IFNLR1: variants seen among roughly 807,000 people sequenced by gnomAD.
IFNLR1 encodes interferon lambda receptor 1, also known as CRF2-12.
IFNLR1 carries 28 observed loss-of-function variants against 52.5 expected under a neutral mutation model. That is an observed-to-expected ratio of 0.53 (90% CI 0.40 to 0.73). The LOEUF (loss-of-function observed/expected upper bound fraction) is 0.73, where lower values mean the gene tolerates loss of function less well. IFNLR1 is among the 30% of genes least tolerant of loss of function. The pLI, the probability that IFNLR1 is intolerant of heterozygous loss-of-function variation, is 0.00. For missense variants in IFNLR1, 623 were observed against 659.1 expected (o/e 0.95, Z 0.60); for synonymous variants, 276 against 274.9 (o/e 1.00, Z -0.04).
chr1:24,171,282 C>G (rs1644576863), intron 2 of IFNLR1, among the ~76,000 whole-genome samples: 1 of 152,174 alleles, frequency 6.6e-6, no homozygotes, highest in Non-Finnish European at 1.5e-5. Context: ...AAGAACAACA[C>G]AGTTATCAAG....
In IFNLR1 at chr1:24,159,060, G is replaced by A. The variant is rs146955345; in HGVS notation, c.793C>T (p.Arg265Trp). The change falls in exon 6 of 7, where the codon CGG becomes TGG. Residue 265 changes from arginine (R) to tryptophan (W), a missense_variant. By Grantham distance (101) the Arg-to-Trp change is moderately radical (BLOSUM62 -3). Transcript: ENST00000327535. Reference sequence around the variant, plus strand: ...CCCCAGATTTGCTATACCAGGGCCCGTGGCATCTTTGCCCGCTGAAACCAG... The same window carrying A: ...CCCCAGATTTGCTATACCAGGGCCCATGGCATCTTTGCCCGCTGAAACCAG... ...NPWFQRAKMPRALDFSGHTHP... is the reference protein window; with the variant it reads ...NPWFQRAKMPWALDFSGHTHP... 5.6e-6 allele frequency: 9 copies of A among 1,613,896 alleles called. No individual in the cohort carries two copies. The highest frequency in any genetic ancestry group is 2.7e-5 in the African/African-American group (2 of 74,878).
chr1:24,164,017 C>A (rs989991430), intron 3 of IFNLR1, among the ~76,000 whole-genome samples: 1 of 152,166 alleles, frequency 6.6e-6, no homozygotes, highest in Non-Finnish European at 1.5e-5. Flanking sequence ...ATAGTCCAGT[C>A]AGTACAACTC....
Position 24,157,388 on chromosome 1 carries a change from AC to A in IFNLR1, c.1304del (p.Gly435ValfsTer38). 1 of 1,614,070 alleles carries A rather than the reference AC, an allele frequency of 6.2e-7. No individual in the cohort carries two copies. Among genetic ancestry groups the A allele is most frequent in the Non-Finnish European group, 8.5e-7 (1 of 1,180,008 alleles). On this transcript the variant is annotated frameshift_variant, in exon 7 of 7. Coordinates refer to ENST00000327535, the MANE Select transcript of IFNLR1 (RefSeq NM_170743.4). LOFTEE classifies it high-confidence loss of function. This position sits in a 1 kb window ranked among gnomAD's most constrained non-coding sequence, Gnocchi z 5.1. ...LPPPEFSKDS[G>X]FLEELPEDNL... ...TATCTTCTGGGAGCTCTTCCAGGAA[AC>A]CCGAGTCCTTGGAGAATTCAGGTGG...
chr1:24,182,251 G>A (rs1043132817), intron 1 of IFNLR1, among the ~76,000 whole-genome samples: 3 of 148,374 alleles, frequency 2.0e-5, no homozygotes, highest in Non-Finnish European at 4.4e-5. Flanking sequence ...AAGTACCCAC[G>A]CCCAGTTCGC....
intron 2 of IFNLR1, 134 bp from the exon 3 acceptor site, chr1:24,169,735 C>T: frequency 2.3e-6 from 2 of 871,586 alleles, no homozygotes; most frequent in Admixed American, 5.5e-5. Flanking sequence ...CAGGCAGCCA[C>T]TGGCTGAGAC....
At chr1:24,163,077 C>T (rs1300286526) in intron 3 of IFNLR1, among the ~76,000 whole-genome samples, 3 of 149,740 alleles carry the variant, frequency 2.0e-5, no homozygotes, top group South Asian at 2.1e-4. Context: ...CCTCCTGCTT[C>T]GGCCTCCTGA....
Position 24,174,682 on chromosome 1 carries a change from A to G in IFNLR1, c.183-5081T>C, listed in dbSNP as rs565072685. ...ATAATATAAAATAAATAACAAAAAGATAATTTAAAAGACATAAACTTGGAT... is the reference window on the plus strand; with the variant it reads ...ATAATATAAAATAAATAACAAAAAGGTAATTTAAAAGACATAAACTTGGAT... On this transcript the variant is annotated intron_variant, in intron 2 of 6. Coordinates refer to ENST00000327535, the MANE Select transcript of IFNLR1 (RefSeq NM_170743.4). 5.0e-4 allele frequency among the ~76,000 whole-genome samples: 76 copies of G among 152,372 alleles called. 2 individuals carry two copies. In the South Asian group the frequency reaches 0.015, roughly 29 times the overall value.
chr1:24,172,324 A>C (rs951492588), intron 2 of IFNLR1, among the ~76,000 whole-genome samples: 1 of 152,188 alleles, frequency 6.6e-6, no homozygotes, highest in African/African-American at 2.4e-5. Context: ...CAGAAGAAAC[A>C]TGTCACAAAA....
intron 1 of IFNLR1, among the ~76,000 whole-genome samples, chr1:24,182,498 T>C (rs1644700857): frequency 6.6e-6 from 1 of 152,268 alleles, no homozygotes; most frequent in African/African-American, 2.4e-5. Context: ...CATTTTAACT[T>C]GAAAGTATGT....
intron 2 of IFNLR1, among the ~76,000 whole-genome samples, chr1:24,179,847 C>T (rs1271708694): frequency 2.6e-5 from 4 of 152,190 alleles, no homozygotes; most frequent in Non-Finnish European, 4.4e-5. Flanking sequence ...TGAATCCTCC[C>T]GAGCTTCTGC....
intron 3 of IFNLR1, among the ~76,000 whole-genome samples, chr1:24,162,758 TTC>T (rs1317719300): frequency 0.092 from 2,713 of 29,588 alleles, 165 homozygotes; most frequent in Non-Finnish European, 0.1. Context: ...CTTTCTTTCT[TTC>T]TTTCTTTCTT....
At chr1:24,176,818 C>T (rs1354477418) in intron 2 of IFNLR1, among the ~76,000 whole-genome samples, 2 of 152,114 alleles carry the variant, frequency 1.3e-5, no homozygotes, top group African/African-American at 4.8e-5. Context: ...CACCATGTTG[C>T]CCAGGCTGGT....
Position 24,159,592 on chromosome 1 carries a change from G to C in IFNLR1, c.552C>G (p.Ile184Met), listed in dbSNP as rs1644419008. The C allele has an allele frequency of 6.2e-7, 1 of 1,614,154 alleles. No homozygotes were observed. Among genetic ancestry groups the C allele is most frequent in the East Asian group, 2.2e-5 (1 of 44,882 alleles). ...GTTCGCTGGCAGCTGGCTGGAGAGT[G>C]ATCTGGACTGGCTGGCCATGGGGAG... is the stretch of plus-strand genomic sequence containing the variant. ...PVTPHGQPVQITLQPAASEHH... is the reference protein window; with the variant it reads ...PVTPHGQPVQMTLQPAASEHH... The change falls in exon 5 of 7, where the codon ATC (isoleucine) becomes ATG (methionine). Residue 184 changes from isoleucine (I) to methionine (M), a missense_variant. By Grantham distance (10) the Ile-to-Met change is conservative. Coordinates refer to ENST00000327535, the MANE Select transcript of IFNLR1 (RefSeq NM_170743.4).
rs779065212 is a variant in IFNLR1 at position 24,157,429 on chromosome 1, G to C, written c.1264C>G (p.Gln422Glu). The C allele has an allele frequency of 4.3e-6, 7 of 1,614,172 alleles. No homozygotes were observed. In the South Asian group the frequency reaches 7.7e-5, roughly 18 times the overall value. The change falls in exon 7 of 7, where the codon CAA (glutamine) becomes GAA (glutamate). Residue 422 changes from glutamine to glutamate, a missense_variant. By Grantham distance (29) the Gln-to-Glu change is conservative. Transcript: ENST00000327535. The surrounding 1 kb of genome is among the most constrained non-coding windows in gnomAD (Gnocchi z 5.1). ...PGQGPGGDGHQESLPPPEFSK... is the reference protein window; with the variant it reads ...PGQGPGGDGHEESLPPPEFSK... ...AATTCAGGTGGTGGGAGAGATTCTT[G>C]GTGCCCATCCCCACCCGGCCCTTGG...
intron 1 of IFNLR1, among the ~76,000 whole-genome samples, chr1:24,181,373 A>G (rs572363244): frequency 6.6e-6 from 1 of 152,372 alleles, no homozygotes; most frequent in Non-Finnish European, 1.5e-5. Context: ...GGTCCAAGCC[A>G]GTGGCCAGAG....
intron 1 of IFNLR1, among the ~76,000 whole-genome samples, chr1:24,186,836 T>G (rs965483367): frequency 1.3e-5 from 2 of 152,104 alleles, no homozygotes; most frequent in African/African-American, 4.8e-5. Context: ...TGTCCACACT[T>G]TAGGGTCAAG....
intron 2 of IFNLR1, among the ~76,000 whole-genome samples, chr1:24,178,921 A>G (rs1490809488): frequency 1.5e-5 from 2 of 131,858 alleles, no homozygotes; most frequent in Non-Finnish European, 3.0e-5. Context: ...AAAAGACATG[A>G]AAAATATCAT....
At chr1:24,180,503 G>A (rs1013150031) in intron 2 of IFNLR1, among the ~76,000 whole-genome samples, 3 of 151,578 alleles carry the variant, frequency 2.0e-5, no homozygotes, top group African/African-American at 7.3e-5. Flanking sequence ...ACTTACCCCC[G>A]CCCCGGCAGA....
In IFNLR1 at chr1:24,157,075, T is replaced by C; in HGVS notation, c.*55A>G. On this transcript the variant is annotated 3_prime_UTR_variant, in exon 7 of 7. Transcript: ENST00000327535. This position sits in a 1 kb window ranked among gnomAD's most constrained non-coding sequence, Gnocchi z 5.1. ...CTCTTGAGTTTCTTGGGAAGCCCAG[T>C]AGTCCTTGCAAAGGCAGCAGCAGCA... The C allele has an allele frequency of 1.3e-6, 2 of 1,550,024 alleles. No homozygotes were observed. The highest frequency in any genetic ancestry group is 1.7e-6 in the Non-Finnish European group (2 of 1,148,900).
Sources: allele counts gnomAD v4.1 joint callset (sites outside exome capture counted in the v4.1 genomes callset), GRCh38; gene constraint gnomAD v4.1.1; non-coding constraint Gnocchi (gnomAD v3.1); transcripts MANE v1.5; gene names NCBI Gene and HGNC (gene_info 2026-07-23, HGNC 2026-07-21).